SP110: variants seen among roughly 807,000 people sequenced by gnomAD.
SP110 encodes the protein interferon-induced protein 41, 30kD.
A neutral mutation model predicts 92.7 loss-of-function variants in SP110; 62 were observed. The ratio of observed to expected loss-of-function variants is 0.67; its 90% CI spans 0.55 to 0.83. The LOEUF (loss-of-function observed/expected upper bound fraction) is 0.83, where lower values mean the gene tolerates loss of function less well. Ranked by LOEUF, SP110 falls within the 40% of genes least tolerant of loss-of-function variation. The pLI, the probability that SP110 is intolerant of heterozygous loss-of-function variation, is 0.00. For missense variants in SP110, 793 were observed against 863.9 expected, an observed-to-expected ratio of 0.92 and a Z score of 1.03; for synonymous variants, 273 against 305.3, an observed-to-expected ratio of 0.89 and a Z score of 1.10.
upstream of SP110, among the ~76,000 whole-genome samples, chr2:230,224,443 G>A (rs1001284101): frequency 2.9e-5 from 4 of 137,388 alleles, no homozygotes; most frequent in African/African-American, 1.2e-4. Flanking sequence ...GGGAGAGGGA[G>A]GGAGAGAGAG....
upstream of SP110, among the ~76,000 whole-genome samples, chr2:230,222,307 T>C (rs2045890170): frequency 6.6e-6 from 1 of 152,100 alleles, no homozygotes; most frequent in Non-Finnish European, 1.5e-5. Flanking sequence ...CACATGCTAG[T>C]GATTATGTAC....
chr2:230,190,020 G>T (rs924677324), intron 10 of SP110, among the ~76,000 whole-genome samples: 1 of 152,170 alleles, frequency 6.6e-6, no homozygotes, highest in Admixed American at 6.5e-5. Flanking sequence ...ACATACATGT[G>T]CATGTGTCTT....
At chr2:230,209,728 A>T (rs564960416) in intron 7 of SP110, among the ~76,000 whole-genome samples, 1 of 152,230 alleles carries the variant, frequency 6.6e-6, no homozygotes. Flanking sequence ...ATATTTCAAT[A>T]CCCCCAAATG....
intron 18 of SP110, among the ~76,000 whole-genome samples, chr2:230,169,871 G>A (rs778261667): frequency 2.0e-5 from 3 of 152,148 alleles, no homozygotes; most frequent in Non-Finnish European, 4.4e-5. Flanking sequence ...CCAGGACTAC[G>A]GATATGCCAG....
chr2:230,201,020 C>A, intron 9 of SP110, 55 bp from the exon 10 acceptor site: 1 of 1,377,936 alleles, frequency 7.3e-7, no homozygotes, highest in South Asian at 1.2e-5. Context: ...TGGAGAATCT[C>A]CCAGAGACCC....
intron 8 of SP110, among the ~76,000 whole-genome samples, chr2:230,203,908 A>G (rs1158687401): frequency 6.6e-6 from 1 of 152,128 alleles, no homozygotes; most frequent in Non-Finnish European, 1.5e-5. Flanking sequence ...AGTCCTGGAG[A>G]TGGATGGTGG....
chr2:230,165,904 T>TC lies in SP110; in HGVS notation c.*3219_*3220insG, dbSNP rs2078304895. On this transcript the variant is annotated 3_prime_UTR_variant, in exon 19 of 19. Transcript: ENST00000258381. ...AAGACCACCTATATAACTTTTTTTTTTTTTTTTGAAACAGAGTCTTACTCT... is the reference window on the plus strand; with the variant it reads ...AAGACCACCTATATAACTTTTTTTTTCTTTTTTTGAAACAGAGTCTTACTCT... 6.6e-6 allele frequency among the ~76,000 whole-genome samples: 1 copy of TC among 151,226 alleles called. No homozygotes were observed. Among genetic ancestry groups the TC allele is most frequent in the South Asian group, 2.1e-4 (1 of 4,782 alleles).
rs41553213 is a variant in SP110 at position 230,208,318 on chromosome 2, T to A, written c.830-259A>T. Among the ~76,000 whole-genome samples the A allele has an allele frequency of 0.041, 6,197 of 152,186 alleles. 295 individuals carry two copies. Among genetic ancestry groups the A allele is most frequent in the African/African-American group, 0.12 (4,863 of 41,500 alleles). On this transcript the variant is annotated intron_variant, in intron 7 of 18. Transcript: ENST00000258381. The stretch of plus-strand genomic sequence containing the variant: ...TTGGTTGTGAAATGAAGGAGAGAGA[T>A]ATGGAAGTAGTTGAAGTGAGATGAG...
intron 11 of SP110, among the ~76,000 whole-genome samples, chr2:230,184,609 T>C (rs2042271594): frequency 6.6e-6 from 1 of 152,052 alleles, no homozygotes; most frequent in African/African-American, 2.4e-5. Flanking sequence ...AGCAAATGGC[T>C]CCACAACCAA....
In SP110 at chr2:230,211,640, A is replaced by T; in HGVS notation, c.668-87T>A. On this transcript the variant is annotated intron_variant, in intron 5 of 18. Coordinates refer to ENST00000258381, the MANE Select transcript of SP110 (RefSeq NM_080424.4). This position sits in a 1 kb window ranked among gnomAD's most constrained non-coding sequence, Gnocchi z 4.2. ...GAAAAGAGAATGCTCTATTCCAACA[A>T]GTAAAAATGACGGGGTAACAGCAAC... is the stretch of plus-strand genomic sequence containing the variant. 1.2e-6 allele frequency: 1 copy of T among 865,564 alleles called. No homozygotes were observed. The highest frequency in any genetic ancestry group is 1.6e-5 in the African/African-American group (1 of 60,950). The allele number at this position is 865,564 out of a possible 1,614,324, so 53.6% of individuals were successfully genotyped here.
chr2:230,178,224 G>C lies in SP110; in HGVS notation c.1380C>G (p.His460Gln). The C allele has an allele frequency of 6.2e-7, 1 of 1,613,260 alleles. No homozygotes were observed. Among genetic ancestry groups the C allele is most frequent in the Non-Finnish European group, 8.5e-7 (1 of 1,179,286 alleles). Residue 460 changes from histidine (H) to glutamine (Q), a missense_variant, in exon 13 of 19, where the codon CAC becomes CAG. His to Gln is a conservative substitution (Grantham distance 24). Coordinates refer to ENST00000258381, the MANE Select transcript of SP110 (RefSeq NM_080424.4). ...GKPKSDTVDFHCSKLPVTCGE... is the reference protein window; with the variant it reads ...GKPKSDTVDFQCSKLPVTCGE... ...CACAGGTCACGGGGAGCTTAGAACA[G>C]TGAAAATCCACAGTGTCACTTTTGG... is the stretch of plus-strand genomic sequence containing the variant.
Position 230,165,230 on chromosome 2 carries a change from A to AT in SP110, c.*3893dup, listed in dbSNP as rs1436552821. On this transcript the variant is annotated 3_prime_UTR_variant, in exon 19 of 19. Transcript: ENST00000258381. ...TGATAAGTTATATATTATGTTATTA[A>AT]TTTATGAAAACAATAGAACACATTC... Among the ~76,000 whole-genome samples, 2 of 152,240 alleles carry AT rather than the reference A, an allele frequency of 1.3e-5. No homozygotes were observed. Among genetic ancestry groups the AT allele is most frequent in the Non-Finnish European group, 2.9e-5 (2 of 68,032 alleles).
At chr2:230,204,337 C>T (rs1343630338) in intron 8 of SP110, among the ~76,000 whole-genome samples, 2 of 152,146 alleles carry the variant, frequency 1.3e-5, no homozygotes, top group African/African-American at 2.4e-5. Flanking sequence ...AATCCTATAA[C>T]GTGTAGAGCA....
chr2:230,198,116 G>A (rs1345869814), intron 10 of SP110, among the ~76,000 whole-genome samples: 2 of 152,220 alleles, frequency 1.3e-5, no homozygotes, highest in African/African-American at 4.8e-5. Context: ...AGGACCCTCT[G>A]TAGGACTGGA....
Position 230,170,749 on chromosome 2 carries a change from C to T in SP110, c.1900G>A (p.Gly634Ser), listed in dbSNP as rs200027337. The change falls in exon 18 of 19, where the codon GGT (glycine) becomes AGT (serine). Residue 634 changes from glycine (G) to serine (S), a missense_variant. Transcript: ENST00000258381. The stretch of plus-strand genomic sequence containing the variant: ...CACATTGCTTCCTGAAAGGGCTCAC[C>T]GTAATCTCGAATCTTGGGGACAAAG... The part of the protein sequence containing the change: ...TGIPFNIRDY[G>S]EPFQEAMWLD... 2.4e-5 allele frequency: 39 copies of T among 1,613,942 alleles called. No individual in the cohort carries two copies. The highest frequency in any genetic ancestry group is 3.1e-5 in the Non-Finnish European group (36 of 1,180,026).
intron 11 of SP110, 91 bp downstream of exon 11, chr2:230,185,903 T>C (rs933493362): frequency 2.7e-6 from 3 of 1,100,258 alleles, no homozygotes; most frequent in Non-Finnish European, 2.8e-6. Context: ...CCTTCTACTA[T>C]TGACTTTACA....
In SP110 at chr2:230,212,806, C is replaced by G; in HGVS notation, c.538G>C (p.Val180Leu). ...TGGATGAGTGCAGGGAGAGGCAGGA[C>G]AGGGTCAGATGGGCTGGGCGACTCA... ...LSESPSPSDP[V>L]LPLPALIQEG... Residue 180 changes from valine (V) to leucine (L), a missense_variant, in exon 4 of 19, where the codon GTC (valine) becomes CTC (leucine). Coordinates refer to ENST00000258381, the MANE Select transcript of SP110 (RefSeq NM_080424.4). 6.2e-7 allele frequency: 1 copy of G among 1,614,130 alleles called. No individual in the cohort carries two copies. Among genetic ancestry groups the G allele is most frequent in the Non-Finnish European group, 8.5e-7 (1 of 1,180,022 alleles).
At chr2:230,176,348 TAA>T in intron 14 of SP110, 1 of 691,970 alleles carries the variant, frequency 1.4e-6, no homozygotes, top group Non-Finnish European at 2.1e-6. Context: ...CCTAGTTGAT[TAA>T]AAAAAAATTT....
chr2:230,199,841 T>C (rs1319260667), intron 10 of SP110, among the ~76,000 whole-genome samples: 2 of 152,226 alleles, frequency 1.3e-5, no homozygotes, highest in East Asian at 3.9e-4. Flanking sequence ...GACAAAGGTT[T>C]GACAGTATTC....
Sources: allele counts gnomAD v4.1 joint callset (sites outside exome capture counted in the v4.1 genomes callset), GRCh38; gene constraint gnomAD v4.1.1; non-coding constraint Gnocchi (gnomAD v3.1); transcripts MANE v1.5; gene names NCBI Gene and HGNC (gene_info 2026-07-23, HGNC 2026-07-21).